GAPVD1: variants seen among roughly 807,000 people sequenced by gnomAD.
GAPVD1 encodes GTPase-activating protein and VPS9 domain-containing protein 1.
Under a neutral mutation model 155.5 loss-of-function variants are expected in GAPVD1, and 35 were observed. That is an observed-to-expected ratio of 0.23 (90% CI 0.17 to 0.30). The LOEUF is 0.30. GAPVD1 is among the 10% of genes least tolerant of loss of function. The probability of loss-of-function intolerance (pLI) is 1.00; values close to 1 mark genes in which losing one functional copy is unlikely to be tolerated. For synonymous variants in GAPVD1, 636 were observed against 619.7 expected, an observed-to-expected ratio of 1.03 and a Z score of -0.39; for missense variants, 1,429 against 1,775.7, an observed-to-expected ratio of 0.80 and a Z score of 3.51.
intron 10 of GAPVD1, among the ~76,000 whole-genome samples, chr9:125,322,352 C>G (rs553925001): frequency 3.3e-5 from 5 of 152,294 alleles, no homozygotes; most frequent in Admixed American, 1.3e-4. Context: ...GCGTGAGCCA[C>G]CGCGCCTGGC....
At chr9:125,318,664 C>T (rs1002180227) in intron 9 of GAPVD1, among the ~76,000 whole-genome samples, 9 of 152,124 alleles carry the variant, frequency 5.9e-5, no homozygotes, top group Non-Finnish European at 8.8e-5. Context: ...TGCCTGTAAT[C>T]CCAGTATTTT....
chr9:125,332,670 T>C (rs1564415026), intron 15 of GAPVD1, 41 bp downstream of exon 15: 1 of 1,575,800 alleles, frequency 6.3e-7, no homozygotes, highest in Non-Finnish European at 8.7e-7. Flanking sequence ...AATGACCACA[T>C]CCGTGGTTGA....
chr9:125,268,217 A>C (rs1485379052), intron 1 of GAPVD1, among the ~76,000 whole-genome samples: 1 of 139,684 alleles, frequency 7.2e-6, no homozygotes. Flanking sequence ...AAAAAAAACC[A>C]AGAACTTTAT....
chr9:125,284,068 G>A (rs1052296726), intron 2 of GAPVD1, among the ~76,000 whole-genome samples: 3 of 151,258 alleles, frequency 2.0e-5, no homozygotes, highest in Non-Finnish European at 4.4e-5. Context: ...TAGAGATGGG[G>A]TTTTGCCATG....
intron 17 of GAPVD1, among the ~76,000 whole-genome samples, chr9:125,339,256 TG>T (rs1847496484): frequency 6.6e-6 from 1 of 152,136 alleles, no homozygotes; most frequent in Admixed American, 6.5e-5. Flanking sequence ...TCCCAAGTGT[TG>T]GGATTACAGG....
In GAPVD1 at chr9:125,337,024, A is replaced by G. The variant is rs768408674; in HGVS notation, c.2435A>G (p.His812Arg). ...AGTTTCCCTCCTGTTTTAGGTGCCC[A>G]CCAGCTGACCTCTCCTCCTTCTCAG... ...PDMDEITHGAHQLTSPPSQSE... is the reference protein window; with the variant it reads ...PDMDEITHGARQLTSPPSQSE... Residue 812 changes from histidine (H) to arginine (R), a missense_variant, in exon 16 of 28, where the codon CAC (histidine) becomes CGC (arginine). By Grantham distance (29) the His-to-Arg change is conservative. Coordinates refer to ENST00000297933, the MANE Select transcript of GAPVD1 (RefSeq NM_001282680.3). 2.6e-5 allele frequency: 42 copies of G among 1,608,378 alleles called. No homozygotes were observed. The East Asian group carries it at 9.1e-4, about 35-fold the overall frequency.
chr9:125,263,473 TC>T (rs763967631), intron 1 of GAPVD1: 37 of 656,756 alleles, frequency 5.6e-5, no homozygotes, highest in Non-Finnish European at 8.6e-5. Flanking sequence ...ACAAAAAAAC[TC>T]CTGAAATAGA....
At chr9:125,289,446 A>C (rs1011414632) in intron 2 of GAPVD1, among the ~76,000 whole-genome samples, 2 of 152,156 alleles carry the variant, frequency 1.3e-5, no homozygotes, top group East Asian at 3.9e-4. Flanking sequence ...AGAAGTAGAT[A>C]GATTCTGGAT....
chr9:125,360,516 G>T lies in GAPVD1; in HGVS notation c.4045-12G>T. The T allele has an allele frequency of 1.2e-6, 2 of 1,607,984 alleles. No homozygotes were observed. Among genetic ancestry groups the T allele is most frequent in the South Asian group, 2.2e-5 (2 of 90,826 alleles). ...GATTCAGAATCTGTATATTGTCTATGGTCTCACTTAGGTTTATCTTCGAGA... is the reference window on the plus strand; with the variant it reads ...GATTCAGAATCTGTATATTGTCTATTGTCTCACTTAGGTTTATCTTCGAGA... On this transcript the variant is annotated splice_polypyrimidine_tract_variant and intron_variant, in intron 26 of 27. Coordinates refer to ENST00000297933, the MANE Select transcript of GAPVD1 (RefSeq NM_001282680.3).
intron 20 of GAPVD1, 88 bp from the exon 21 acceptor site, chr9:125,349,298 AATTT>A (rs1848970543): frequency 1.9e-6 from 2 of 1,030,448 alleles, no homozygotes; most frequent in South Asian, 1.8e-5. Context: ...AGTCAATGGT[AATTT>A]ATTCTTGAGT....
chr9:125,335,222 G>C (rs1269394397), intron 15 of GAPVD1: 1 of 770,706 alleles, frequency 1.3e-6, no homozygotes, highest in Admixed American at 1.7e-5. Context: ...CATTGAAGCA[G>C]AAGCAGACAT....
At chr9:125,333,592 G>C (rs1846422356) in intron 15 of GAPVD1, among the ~76,000 whole-genome samples, 1 of 142,294 alleles carries the variant, frequency 7.0e-6, no homozygotes, top group Admixed American at 7.2e-5. Context: ...AGGTTCAAAT[G>C]ATTCTCCTGC....
intron 23 of GAPVD1, among the ~76,000 whole-genome samples, chr9:125,352,699 A>G (rs749515166): frequency 1.3e-5 from 2 of 152,236 alleles, no homozygotes; most frequent in Non-Finnish European, 2.9e-5. Flanking sequence ...GCTCCTCATT[A>G]CTTATGCAAA....
chr9:125,329,140 G>A (rs956227118), intron 12 of GAPVD1, among the ~76,000 whole-genome samples: 3 of 152,016 alleles, frequency 2.0e-5, no homozygotes, highest in African/African-American at 4.8e-5. Flanking sequence ...AGGGAGAGGT[G>A]TAAATAGATT....
At chr9:125,336,145 C>CAAAAA (rs770093537) in intron 15 of GAPVD1, among the ~76,000 whole-genome samples, 1 of 69,254 alleles carries the variant, frequency 1.4e-5, no homozygotes, top group East Asian at 3.9e-4. Flanking sequence ...ACTTTGTCTC[C>CAAAAA]AAAAAAAAAA....
In GAPVD1 at chr9:125,350,799, A is replaced by C. The variant is rs1849184308; in HGVS notation, c.3496A>C (p.Thr1166Pro). Residue 1166 changes from threonine to proline, a missense_variant, in exon 23 of 28, where the codon ACA (threonine) becomes CCA (proline). Transcript: ENST00000297933. ...GAATCTAATGGCTCAACTTCAAGAA[A>C]CAATGCGCTGTGTGTGCCGTTTTGA... is the stretch of plus-strand genomic sequence containing the variant. ...DKNLMAQLQE[T>P]MRCVCRFDNR... 1 of 1,612,726 alleles carries C rather than the reference A, an allele frequency of 6.2e-7. No individual in the cohort carries two copies. Among genetic ancestry groups the C allele is most frequent in the Non-Finnish European group, 8.5e-7 (1 of 1,178,824 alleles).
intron 9 of GAPVD1, among the ~76,000 whole-genome samples, chr9:125,319,211 T>TA (rs79885116): frequency 0.97 from 145,871 of 150,796 alleles, 70,613 homozygotes; most frequent in East Asian, 1. Context: ...TACGAAGAAC[T>TA]AAAATGAAAA....
Position 125,275,203 on chromosome 9 carries a change from G to A in GAPVD1, c.-150+6219G>A, listed in dbSNP as rs1835570856. On this transcript the variant is annotated intron_variant, in intron 2 of 27. Coordinates refer to ENST00000297933, the MANE Select transcript of GAPVD1 (RefSeq NM_001282680.3). ...TGATTCTTCTGCCTCAGCCTCCCAA[G>A]TACCTTGGATTACAGGCGCCTGCCA... 3.3e-5 allele frequency among the ~76,000 whole-genome samples: 5 copies of A among 151,852 alleles called. No homozygotes were observed. The South Asian group carries it at 1.0e-3, about 31-fold the overall frequency.
chr9:125,309,218 G>A (rs1307611620), intron 8 of GAPVD1: 2 of 152,112 alleles, frequency 1.3e-5, no homozygotes, highest in Admixed American at 1.3e-4. Context: ...ATCAACAGGA[G>A]TGTGGCATCA....
Sources: allele counts gnomAD v4.1 joint callset (sites outside exome capture counted in the v4.1 genomes callset), GRCh38; gene constraint gnomAD v4.1.1; transcripts MANE v1.5; gene names NCBI Gene and HGNC (gene_info 2026-07-23, HGNC 2026-07-21).